ZNF804B: variants seen among roughly 807,000 people sequenced by gnomAD.
The protein encoded by ZNF804B is zinc finger protein 804B, also known as zinc finger 804B.
Under a neutral mutation model 101.4 loss-of-function variants are expected in ZNF804B, and 80 were observed. The ratio of observed to expected loss-of-function variants is 0.79; its 90% CI spans 0.66 to 0.95. The LOEUF (loss-of-function observed/expected upper bound fraction) is 0.95, where lower values mean the gene tolerates loss of function less well. Ranked by LOEUF, ZNF804B falls within the 40% of genes least tolerant of loss-of-function variation. ZNF804B has a pLI of 0.00. For missense variants in ZNF804B, 1,673 were observed against 1,561.9 expected (o/e 1.07, Z -1.20); for synonymous variants, 622 against 558.8 (o/e 1.11, Z -1.59).
chr7:89,128,948 T>A (rs1242284513), intron 1 of ZNF804B, among the ~76,000 whole-genome samples: 1 of 151,910 alleles, frequency 6.6e-6, no homozygotes, highest in East Asian at 1.9e-4. Flanking sequence ...TTTGGTTGAG[T>A]GTTTCTGAGA....
chr7:89,004,191 T>TC (rs1788336370), intron 1 of ZNF804B, among the ~76,000 whole-genome samples: 1 of 151,546 alleles, frequency 6.6e-6, no homozygotes, highest in Non-Finnish European at 1.5e-5. Context: ...TCAATGAAAA[T>TC]TAAACAATCT....
At chr7:89,179,366 C>A (rs1363470369) in intron 1 of ZNF804B, among the ~76,000 whole-genome samples, 1 of 151,372 alleles carries the variant, frequency 6.6e-6, no homozygotes, top group East Asian at 1.9e-4. Context: ...TTGTCTCCTC[C>A]GACTGTCTTT....
chr7:89,245,158 A>C (rs1789425280), intron 2 of ZNF804B, among the ~76,000 whole-genome samples: 1 of 152,218 alleles, frequency 6.6e-6, no homozygotes, highest in Admixed American at 6.5e-5. Flanking sequence ...AACCAAAATT[A>C]CAAACATAAC....
At chr7:88,924,419 T>A (rs1341672968) in intron 1 of ZNF804B, among the ~76,000 whole-genome samples, 1 of 152,170 alleles carries the variant, frequency 6.6e-6, no homozygotes, top group Non-Finnish European at 1.5e-5. Flanking sequence ...ACTTTTCTTA[T>A]CAATGTATAG....
chr7:88,877,025 T>A lies in ZNF804B; in HGVS notation c.108+116941T>A, dbSNP rs1392736021. On this transcript the variant is annotated intron_variant, in intron 1 of 3. Coordinates refer to ENST00000333190, the MANE Select transcript of ZNF804B (RefSeq NM_181646.5). ...AAAAAAAAATATATATATATATATATAATATATATATATATATATATATAT... is the reference window on the plus strand; with the variant it reads ...AAAAAAAAATATATATATATATATAAAATATATATATATATATATATATAT... 1.5e-3 allele frequency among the ~76,000 whole-genome samples: 89 copies of A among 59,270 alleles called. 10 individuals carry two copies. Among genetic ancestry groups the A allele is most frequent in the African/African-American group, 9.9e-3 (85 of 8,598 alleles). 38.9% of individuals were successfully genotyped at this position (59,270 alleles called of 152,430 possible).
chr7:89,210,023 C>T (rs538636573), intron 1 of ZNF804B, among the ~76,000 whole-genome samples: 1 of 151,918 alleles, frequency 6.6e-6, no homozygotes, highest in African/African-American at 2.4e-5. Flanking sequence ...GTGGCATGCA[C>T]CTGTAGTCCC....
At chr7:89,132,021 A>G (rs1432834470) in intron 1 of ZNF804B, among the ~76,000 whole-genome samples, 2 of 152,062 alleles carry the variant, frequency 1.3e-5, no homozygotes, top group African/African-American at 4.8e-5. Context: ...TTACATGCAT[A>G]TAACAATCTC....
chr7:88,853,707 A>G (rs1249625465), intron 1 of ZNF804B, among the ~76,000 whole-genome samples: 2 of 152,128 alleles, frequency 1.3e-5, no homozygotes, highest in Admixed American at 6.6e-5. Flanking sequence ...TGAACTATCA[A>G]TGTACCAAGT....
rs74363284 is a variant in ZNF804B, at chr7:88,803,461, G to T, written c.108+43377G>T. Among the ~76,000 whole-genome samples the T allele has an allele frequency of 2.3e-3, 351 of 152,250 alleles. 1 individual carries two copies. Among genetic ancestry groups the T allele is most frequent in the African/African-American group, 8.3e-3 (343 of 41,570 alleles). ...ACTGAGTAAAAGGTGAGTCTTTAAA[G>T]AATTTGCACCAGTTGGATACAGTCT... is the stretch of plus-strand genomic sequence containing the variant. On this transcript the variant is annotated intron_variant, in intron 1 of 3. Transcript: ENST00000333190.
At chr7:88,877,234 A>T (rs1791967837) in intron 1 of ZNF804B, among the ~76,000 whole-genome samples, 1 of 150,002 alleles carries the variant, frequency 6.7e-6, no homozygotes, top group Admixed American at 6.7e-5. Context: ...AGAATTTTAA[A>T]AAGCAAAATG....
intron 1 of ZNF804B, among the ~76,000 whole-genome samples, chr7:88,894,696 G>C (rs938703305): frequency 1.3e-5 from 2 of 152,066 alleles, no homozygotes; most frequent in Admixed American, 1.3e-4. Flanking sequence ...GAGCTGTGAA[G>C]CCTCAAAAAG....
intron 1 of ZNF804B, among the ~76,000 whole-genome samples, chr7:88,900,225 A>G (rs563825912): frequency 6.6e-6 from 1 of 152,060 alleles, no homozygotes; most frequent in East Asian, 1.9e-4. Flanking sequence ...CAAAGATGTT[A>G]GTTCAGTGCA....
At position 89,236,248 on chromosome 7, in the gene ZNF804B, G is replaced by A. The variant is rs372734586; in HGVS notation, c.249+17953G>A. On this transcript the variant is annotated intron_variant, in intron 2 of 3. Coordinates refer to ENST00000333190, the MANE Select transcript of ZNF804B (RefSeq NM_181646.5). ...GTCTTTAGGAAGCTTCCATATGCAC[G>A]GTAACTAGATATCCAGATTTCATTT... 3.5e-4 allele frequency among the ~76,000 whole-genome samples: 53 copies of A among 152,126 alleles called. 1 individual carries two copies. Among genetic ancestry groups the A allele is most frequent in the African/African-American group, 1.0e-3 (43 of 41,530 alleles).
At chr7:88,810,512 AT>A (rs1790768205) in intron 1 of ZNF804B, among the ~76,000 whole-genome samples, 1 of 151,196 alleles carries the variant, frequency 6.6e-6, no homozygotes, top group Non-Finnish European at 1.5e-5. Flanking sequence ...AAAAAAAAAA[AT>A]TATCAAGGTG....
intron 1 of ZNF804B, among the ~76,000 whole-genome samples, chr7:89,145,186 AT>A (rs1790774553): frequency 1.3e-5 from 2 of 152,038 alleles, no homozygotes; most frequent in South Asian, 4.1e-4. Context: ...TAAAATGACA[AT>A]ATAATTTTAA....
chr7:88,831,770 T>G (rs746793662), intron 1 of ZNF804B, among the ~76,000 whole-genome samples: 1 of 152,072 alleles, frequency 6.6e-6, no homozygotes, highest in East Asian at 1.9e-4. Flanking sequence ...CTGACCTTGC[T>G]CTTTGACCAT....
chr7:88,941,563 A>G (rs1266890666), intron 1 of ZNF804B, among the ~76,000 whole-genome samples: 1 of 152,016 alleles, frequency 6.6e-6, no homozygotes, highest in Non-Finnish European at 1.5e-5. Context: ...AAAAGGAAAA[A>G]TTATGGAGAC....
intron 1 of ZNF804B, among the ~76,000 whole-genome samples, chr7:89,006,082 C>G (rs1788365936): frequency 6.6e-6 from 1 of 152,166 alleles, no homozygotes; most frequent in South Asian, 2.1e-4. Context: ...ATATATATAT[C>G]ATGCAACAGT....
chr7:88,929,468 C>A (rs561242347), intron 1 of ZNF804B, among the ~76,000 whole-genome samples: 30 of 151,880 alleles, frequency 2.0e-4, no homozygotes, highest in African/African-American at 7.2e-4. Context: ...AGTCTTTATA[C>A]AGTTATCACC....
Sources: gnomAD v4.1 joint callset for allele counts (sites outside exome capture counted in the v4.1 genomes callset) on GRCh38, gnomAD v4.1.1 for gene constraint, MANE v1.5 for transcripts, NCBI Gene and HGNC (gene_info 2026-07-23, HGNC 2026-07-21) for gene names.